The following NRXN3 variants were observed in gnomAD, a reference collection of about 807,000 sequenced individuals.
NRXN3 encodes neurexin 3, also known as neurexin III.
Under a neutral mutation model 137.6 loss-of-function variants are expected in NRXN3, and 32 were observed. The observed-to-expected ratio is 0.23, with a 90% CI of 0.18 to 0.31. The LOEUF (loss-of-function observed/expected upper bound fraction) is 0.31, where lower values mean the gene tolerates loss of function less well. Among genes scored for constraint, NRXN3 ranks in the 10% least tolerant of loss-of-function variants. The pLI, the probability that NRXN3 is intolerant of heterozygous loss-of-function variation, is 1.00. For missense variants in NRXN3, 1,574 were observed against 2,062.5 expected (o/e 0.76, Z 4.59); for synonymous variants, 798 against 784.5 (o/e 1.02, Z -0.29).
chr14:78,210,488 T>C (rs1042234510), intron 1 of NRXN3, among the ~76,000 whole-genome samples: 2 of 152,226 alleles, frequency 1.3e-5, no homozygotes, highest in Non-Finnish European at 2.9e-5. Flanking sequence ...TGTTCATTCA[T>C]TTAGTAAGTA....
At chr14:78,950,487 G>A (rs903917055) in intron 10 of NRXN3, among the ~76,000 whole-genome samples, 1 of 152,142 alleles carries the variant, frequency 6.6e-6, no homozygotes, top group African/African-American at 2.4e-5. Flanking sequence ...ATTTAGAGAT[G>A]CTATTGAATG....
intron 8 of NRXN3, among the ~76,000 whole-genome samples, chr14:78,779,160 T>A (rs1462615869): frequency 6.6e-6 from 1 of 152,088 alleles, no homozygotes; most frequent in South Asian, 2.1e-4. Flanking sequence ...TTTAATTCGG[T>A]ATTTTAAAAA....
At chr14:78,901,224 A>AT (rs35536492) in intron 10 of NRXN3, among the ~76,000 whole-genome samples, 4,329 of 150,742 alleles carry the variant, frequency 0.029, 223 homozygotes, top group African/African-American at 0.098. Flanking sequence ...TTCTTGAACC[A>AT]TTTTTTTTTC....
chr14:78,882,344 G>A (rs549699856), intron 10 of NRXN3, among the ~76,000 whole-genome samples: 5 of 151,840 alleles, frequency 3.3e-5, no homozygotes, highest in African/African-American at 9.7e-5. Flanking sequence ...TCCACTGACA[G>A]CTTGCATTAT....
intron 4 of NRXN3, among the ~76,000 whole-genome samples, chr14:78,633,726 A>G (rs61976118): frequency 0.077 from 11,662 of 152,318 alleles, 540 homozygotes; most frequent in Middle Eastern, 0.15. Flanking sequence ...CTGTGTCTCC[A>G]AACAGGGTTT....
intron 15 of NRXN3, among the ~76,000 whole-genome samples, chr14:79,318,938 T>C (rs1378213745): frequency 3.3e-5 from 5 of 152,224 alleles, no homozygotes; most frequent in African/African-American, 1.2e-4. Context: ...TCATTGAATA[T>C]TGATGTTCTA....
rs189102343 is a variant in NRXN3 at position 78,436,632 on chromosome 14, G to A, written c.757+138772G>A. ...CTATTGAGCACTTGAAATGTGGCTC[G>A]TGAGACACATGAATTTTACATTTTA... On this transcript the variant is annotated intron_variant, in intron 4 of 20. Coordinates refer to ENST00000335750, the MANE Select transcript of NRXN3 (RefSeq NM_001330195.2). Among the ~76,000 whole-genome samples the A allele has an allele frequency of 2.6e-3, 401 of 152,346 alleles. 1 individual carries two copies. Among genetic ancestry groups the A allele is most frequent in the Non-Finnish European group, 2.9e-3 (200 of 68,034 alleles).
At position 79,866,742 on chromosome 14, in the gene NRXN3, T is replaced by G. The variant is rs1408339317; in HGVS notation, c.*4778T>G. The G allele has an allele frequency of 1.3e-5, 2 of 152,190 alleles. No individual in the cohort carries two copies. Among genetic ancestry groups the G allele is most frequent in the African/African-American group, 4.8e-5 (2 of 41,444 alleles). The allele number at this position is 152,190 out of a possible 1,614,324, so 9.4% of individuals were successfully genotyped here. The stretch of plus-strand genomic sequence containing the variant: ...TCTACTCTTATGGAGCAACCGAGTT[T>G]CCTGATAGAGATGTTTATCTGGGGG... On this transcript the variant is annotated 3_prime_UTR_variant, in exon 21 of 21. Coordinates refer to ENST00000335750, the MANE Select transcript of NRXN3 (RefSeq NM_001330195.2).
chr14:79,767,759 G>C (rs549790461), intron 19 of NRXN3, among the ~76,000 whole-genome samples: 10 of 152,296 alleles, frequency 6.6e-5, no homozygotes, highest in Admixed American at 3.3e-4. Flanking sequence ...TAGAAATCAG[G>C]GGGGAGGAGC....
chr14:79,370,686 C>T (rs1326225359), intron 15 of NRXN3, among the ~76,000 whole-genome samples: 1 of 152,058 alleles, frequency 6.6e-6, no homozygotes, highest in Non-Finnish European at 1.5e-5. Context: ...ATGCTTTTAC[C>T]GCCTCAACTG....
At chr14:79,732,008 A>G (rs920519704) in intron 19 of NRXN3, among the ~76,000 whole-genome samples, 2 of 151,848 alleles carry the variant, frequency 1.3e-5, no homozygotes, top group African/African-American at 2.4e-5. Context: ...CACCCCTCCC[A>G]ATCAGCTCCA....
At chr14:79,674,979 A>G (rs1255774110) in intron 17 of NRXN3, among the ~76,000 whole-genome samples, 2 of 152,080 alleles carry the variant, frequency 1.3e-5, no homozygotes, top group Non-Finnish European at 1.5e-5. Flanking sequence ...TTAATTAATA[A>G]CAGGTAAGAC....
chr14:79,232,288 G>A (rs949751333), intron 15 of NRXN3, among the ~76,000 whole-genome samples: 29 of 152,128 alleles, frequency 1.9e-4, no homozygotes, highest in Non-Finnish European at 3.1e-4. Context: ...GTGTGTGTGC[G>A]TGCTCCAAGT....
chr14:78,245,569 C>CAT (rs2067552715), intron 2 of NRXN3, among the ~76,000 whole-genome samples: 1 of 152,114 alleles, frequency 6.6e-6, no homozygotes, highest in Admixed American at 6.5e-5. Flanking sequence ...CCAGAACATC[C>CAT]CAACCCCTAA....
chr14:79,472,042 T>A (rs2096516618), intron 16 of NRXN3, among the ~76,000 whole-genome samples: 2 of 152,162 alleles, frequency 1.3e-5, no homozygotes, highest in African/African-American at 4.8e-5. Flanking sequence ...CCTCTATGTG[T>A]CCATGTGTTC....
At chr14:79,792,729 C>T (rs774052540) in intron 19 of NRXN3, among the ~76,000 whole-genome samples, 4 of 152,104 alleles carry the variant, frequency 2.6e-5, no homozygotes, top group East Asian at 1.9e-4. Flanking sequence ...GTGGAAAGGC[C>T]GCCCACTTTT....
At chr14:79,607,558 C>T (rs1402964669) in intron 16 of NRXN3, among the ~76,000 whole-genome samples, 1 of 152,074 alleles carries the variant, frequency 6.6e-6, no homozygotes, top group African/African-American at 2.4e-5. Context: ...CTAAGAAGAA[C>T]ATATCTTTTC....
chr14:78,880,239 C>CAAAAAA (rs59348965), intron 10 of NRXN3, among the ~76,000 whole-genome samples: 7 of 45,264 alleles, frequency 1.5e-4, no homozygotes, highest in East Asian at 4.7e-4. Context: ...GACTCCGTCT[C>CAAAAAA]AAAAAAAAAA....
chr14:79,458,410 G>A (rs1042099407), intron 15 of NRXN3, among the ~76,000 whole-genome samples: 2 of 152,070 alleles, frequency 1.3e-5, no homozygotes, highest in Non-Finnish European at 2.9e-5. Context: ...ATGACAAAAA[G>A]GCAAGATGAA....
Sources: gnomAD v4.1 joint callset for allele counts (sites outside exome capture counted in the v4.1 genomes callset) on GRCh38, gnomAD v4.1.1 for gene constraint, MANE v1.5 for transcripts, NCBI Gene and HGNC (gene_info 2026-07-23, HGNC 2026-07-21) for gene names.